Variants in LMBRD1 observed in about 807,000 individuals in gnomAD.
LMBRD1 encodes the protein lysosomal cobalamin transport escort protein LMBD1.
A neutral mutation model predicts 74.8 loss-of-function variants in LMBRD1; 64 were observed. The ratio of observed to expected loss-of-function variants is 0.86; its 90% CI spans 0.70 to 1.05. LMBRD1 has a LOEUF of 1.05. LMBRD1 is among the 50% of genes least tolerant of loss of function. LMBRD1 has a pLI of 0.00. For synonymous variants in LMBRD1, 204 were observed against 216.3 expected, an observed-to-expected ratio of 0.94 and a Z score of 0.50; for missense variants, 652 against 645.9, an observed-to-expected ratio of 1.01 and a Z score of -0.10.
rs990678297 is a variant in LMBRD1 at position 69,698,970 on chromosome 6, C to A, written c.1338+73G>T. 22 of 1,021,302 alleles carry A rather than the reference C, an allele frequency of 2.2e-5. No homozygotes were observed. In the Middle Eastern group the frequency reaches 7.4e-4, roughly 34 times the overall value. 63.3% of individuals were successfully genotyped at this position (1,021,302 alleles called of 1,614,324 possible). On this transcript the variant is annotated intron_variant, in intron 13 of 15. Transcript: ENST00000649934. ...AGCTAATATCTTATGCTAACCATCA[C>A]AATTAAAATTTCATTTTAAATATCA...
At chr6:69,735,869 T>C (rs748805617) in intron 7 of LMBRD1, among the ~76,000 whole-genome samples, 2 of 152,184 alleles carry the variant, frequency 1.3e-5, no homozygotes, top group Admixed American at 6.5e-5. Flanking sequence ...TACCTCTCAA[T>C]GAAACTTTTA....
chr6:69,704,923 C>CTT (rs1554232091), intron 9 of LMBRD1, among the ~76,000 whole-genome samples: 4 of 120,966 alleles, frequency 3.3e-5, no homozygotes, highest in African/African-American at 1.3e-4. Flanking sequence ...TTTTTTTCCA[C>CTT]TTTTACTGGT....
chr6:69,722,446 T>C (rs1190731199), intron 7 of LMBRD1, among the ~76,000 whole-genome samples: 1 of 138,618 alleles, frequency 7.2e-6, no homozygotes, highest in Non-Finnish European at 1.6e-5. Flanking sequence ...AGTAGAAAAC[T>C]AAATGATGAA....
At chr6:69,778,538 T>C (rs1244877789) in intron 3 of LMBRD1, among the ~76,000 whole-genome samples, 2 of 152,230 alleles carry the variant, frequency 1.3e-5, no homozygotes, top group Admixed American at 1.3e-4. Context: ...AACGATAAGA[T>C]ACAGTTCACA....
chr6:69,691,744 C>T (rs1382266743), intron 14 of LMBRD1, among the ~76,000 whole-genome samples: 5 of 151,702 alleles, frequency 3.3e-5, no homozygotes, highest in African/African-American at 9.7e-5. Flanking sequence ...GGCGTGGTGG[C>T]GGGTGCCTGT....
chr6:69,701,583 T>G, intron 10 of LMBRD1, 38 bp from the exon 11 acceptor site: 1 of 1,277,748 alleles, frequency 7.8e-7, no homozygotes, highest in Non-Finnish European at 1.1e-6. Context: ...TATGTTATAC[T>G]ATCAAATTTT....
At chr6:69,722,891 CTGAT>C (rs1340347583) in intron 7 of LMBRD1, among the ~76,000 whole-genome samples, 2 of 152,114 alleles carry the variant, frequency 1.3e-5, no homozygotes, top group African/African-American at 2.4e-5. Flanking sequence ...AAGACATAGA[CTGAT>C]TGAATGGATA....
chr6:69,684,981 G>A (rs2149836628), intron 14 of LMBRD1, among the ~76,000 whole-genome samples: 1 of 152,192 alleles, frequency 6.6e-6, no homozygotes, highest in South Asian at 2.1e-4. Context: ...ATGTTTAAGG[G>A]AGACAAAGAT....
chr6:69,778,015 T>A (rs956497706), intron 3 of LMBRD1, among the ~76,000 whole-genome samples: 1 of 152,240 alleles, frequency 6.6e-6, no homozygotes, highest in Non-Finnish European at 1.5e-5. Context: ...GGGTCCTAGC[T>A]GTAGGTCACC....
intron 2 of LMBRD1, among the ~76,000 whole-genome samples, chr6:69,787,634 T>A (rs996406395): frequency 2.6e-5 from 4 of 152,066 alleles, no homozygotes; most frequent in African/African-American, 9.7e-5. Context: ...TAATCCCAGA[T>A]ACTCAGGAAG....
intron 14 of LMBRD1, among the ~76,000 whole-genome samples, chr6:69,694,012 A>C (rs1459301765): frequency 6.6e-6 from 1 of 152,110 alleles, no homozygotes; most frequent in Non-Finnish European, 1.5e-5. Context: ...GTCAACTAAA[A>C]TGTTTAAGAA....
At chr6:69,765,620 G>A (rs1338771204) in intron 3 of LMBRD1, among the ~76,000 whole-genome samples, 1 of 151,998 alleles carries the variant, frequency 6.6e-6, no homozygotes, top group Non-Finnish European at 1.5e-5. Context: ...TAAATTTTAG[G>A]ATTGGCTTGT....
At position 69,674,770 on chromosome 6, in the gene LMBRD1, C is replaced by T. The variant is rs1311255137; in HGVS notation, c.*1388G>A. 3.3e-5 allele frequency among the ~76,000 whole-genome samples: 5 copies of T among 152,084 alleles called. No individual in the cohort carries two copies. The East Asian group carries it at 5.8e-4, about 18-fold the overall frequency. ...TGGGTGGATCATGAGGTCAGGAGTT[C>T]AAGACCAGCCTGGCCAAGATGGTGA... On this transcript the variant is annotated 3_prime_UTR_variant, in exon 16 of 16. Coordinates refer to ENST00000649934, the MANE Select transcript of LMBRD1 (RefSeq NM_018368.4).
intron 8 of LMBRD1, among the ~76,000 whole-genome samples, chr6:69,716,364 G>C (rs1440668161): frequency 6.6e-6 from 1 of 152,070 alleles, no homozygotes; most frequent in Non-Finnish European, 1.5e-5. Flanking sequence ...TTTCTCTAAT[G>C]GTCAGTGATG....
chr6:69,711,358 G>A (rs1168511282), intron 9 of LMBRD1, among the ~76,000 whole-genome samples: 3 of 152,162 alleles, frequency 2.0e-5, no homozygotes, highest in Non-Finnish European at 4.4e-5. Context: ...GATTTTTCGA[G>A]TGATGTGGAT....
intron 12 of LMBRD1, among the ~76,000 whole-genome samples, chr6:69,699,490 A>G (rs1391758257): frequency 2.6e-5 from 4 of 151,832 alleles, no homozygotes; most frequent in Admixed American, 2.6e-4. Context: ...AACTACAAGT[A>G]TCAGTAATAT....
intron 3 of LMBRD1, among the ~76,000 whole-genome samples, chr6:69,769,731 AT>A (rs907737571): frequency 2.5e-5 from 3 of 121,148 alleles, no homozygotes; most frequent in African/African-American, 7.0e-5. Flanking sequence ...TTTTTTAACG[AT>A]TTTTTTAGTG....
chr6:69,757,354 T>C (rs1018363835), intron 3 of LMBRD1, among the ~76,000 whole-genome samples: 8 of 152,230 alleles, frequency 5.3e-5, no homozygotes, highest in African/African-American at 1.7e-4. Context: ...CAAAAGTTTT[T>C]AGCAATCAAC....
chr6:69,731,328 G>C (rs1766853539), intron 7 of LMBRD1, among the ~76,000 whole-genome samples: 1 of 152,096 alleles, frequency 6.6e-6, no homozygotes, highest in African/African-American at 2.4e-5. Context: ...GATATTCCTG[G>C]CATAAAGATA....
Sources: gnomAD v4.1 joint callset for allele counts (sites outside exome capture counted in the v4.1 genomes callset) on GRCh38, gnomAD v4.1.1 for gene constraint, MANE v1.5 for transcripts, NCBI Gene and HGNC (gene_info 2026-07-23, HGNC 2026-07-21) for gene names.